Variants in SETD2 observed in about 807,000 individuals in gnomAD.
SETD2 encodes the protein histone-lysine N-methyltransferase SETD2.
A neutral mutation model predicts 242.1 loss-of-function variants in SETD2; 31 were observed. The observed-to-expected ratio is 0.13, with a 90% CI of 0.10 to 0.17. The LOEUF (loss-of-function observed/expected upper bound fraction) is 0.17, where lower values mean the gene tolerates loss of function less well. Among genes scored for constraint, SETD2 ranks in the 10% least tolerant of loss-of-function variants. SETD2 has a pLI of 1.00. For synonymous variants in SETD2, 1,006 were observed against 1,066.5 expected (o/e 0.94, Z 1.11); for missense variants, 2,481 against 3,046.3 (o/e 0.81, Z 4.37).
At chr3:47,128,526 TTCA>T (rs2106750016) in intron 1 of SETD2, among the ~76,000 whole-genome samples, 1 of 152,350 alleles carries the variant, frequency 6.6e-6, no homozygotes, top group East Asian at 1.9e-4. Flanking sequence ...TAGGCCTAAC[TTCA>T]TCATAATTCA....
chr3:47,082,890 T>A (rs1360944609), intron 12 of SETD2, among the ~76,000 whole-genome samples: 2 of 152,084 alleles, frequency 1.3e-5, no homozygotes, highest in Admixed American at 1.3e-4. Context: ...CTGCAAAGAG[T>A]CAGGATTGCT....
chr3:47,084,586 G>A (rs1388346687), intron 11 of SETD2, among the ~76,000 whole-genome samples: 3 of 151,760 alleles, frequency 2.0e-5, no homozygotes, highest in African/African-American at 7.3e-5. Flanking sequence ...TGCCACGCCT[G>A]GCTAATCTTT....
intron 1 of SETD2, among the ~76,000 whole-genome samples, chr3:47,155,716 G>A (rs1431112681): frequency 6.6e-6 from 1 of 152,186 alleles, no homozygotes; most frequent in African/African-American, 2.4e-5. Context: ...TGAGGTGGGA[G>A]GATCGCTTGA....
chr3:47,110,839 G>C (rs2042619470), intron 5 of SETD2, among the ~76,000 whole-genome samples: 2 of 152,034 alleles, frequency 1.3e-5, no homozygotes, highest in African/African-American at 4.8e-5. Flanking sequence ...AAGAGCTTTA[G>C]GAAATTTTAA....
At position 47,122,245 on chromosome 3, in the gene SETD2, C is replaced by G; in HGVS notation, c.2391G>C (p.Leu797Phe). The G allele has an allele frequency of 1.2e-6, 2 of 1,614,098 alleles. No homozygotes were observed. Among genetic ancestry groups the G allele is most frequent in the Non-Finnish European group, 1.7e-6 (2 of 1,180,002 alleles). Reference protein sequence around the residue: ...KTKDSDIYCTLNDSNPSLCNS... With the variant: ...KTKDSDIYCTFNDSNPSLCNS... ...TACACAAAGAAGGGTTGCTATCGTT[C>G]AAAGTACAGTATATGTCTGAATCTT... Residue 797 changes from leucine to phenylalanine, a missense_variant, in exon 3 of 21, where the codon TTG (leucine) becomes TTC (phenylalanine). Leu to Phe is a conservative substitution (Grantham distance 22). Around this residue, in one of 17 missense-constraint regions of SETD2, gnomAD observed 1,300 missense variants for 1,259.2 expected, o/e 1.03. Transcript: ENST00000409792.
rs182505986 is a variant in SETD2 at position 47,027,806 on chromosome 3, T to G, written c.7351-7966A>C. On this transcript the variant is annotated intron_variant, in intron 18 of 20. Coordinates refer to ENST00000409792, the MANE Select transcript of SETD2 (RefSeq NM_014159.7). ...GGTTTTTTTTTTTGTTTTTGTTTTT[T>G]TTTTTGAGATGGAGTCTCGCTGTTG... Among the ~76,000 whole-genome samples the G allele has an allele frequency of 5.2e-3, 793 of 152,014 alleles. 2 individuals are homozygous for G. Among genetic ancestry groups the G allele is most frequent in the Middle Eastern group, 0.01 (3 of 294 alleles).
intron 1 of SETD2, chr3:47,127,459 G>A: frequency 3.0e-6 from 1 of 334,152 alleles, no homozygotes; most frequent in Non-Finnish European, 6.1e-6. Context: ...TGGGTGTAGT[G>A]GCCCACACTT....
chr3:47,151,133 T>C (rs944222387), intron 1 of SETD2, among the ~76,000 whole-genome samples: 1 of 152,076 alleles, frequency 6.6e-6, no homozygotes, highest in Non-Finnish European at 1.5e-5. Flanking sequence ...TATTCTATAA[T>C]ATATTCATCA....
intron 5 of SETD2, among the ~76,000 whole-genome samples, chr3:47,112,062 T>TG (rs775466842): frequency 2.6e-5 from 4 of 152,114 alleles, no homozygotes; most frequent in Non-Finnish European, 2.9e-5. Flanking sequence ...CATAAACACA[T>TG]GTAATCTGTT....
chr3:47,031,744 TA>T (rs1261182099), intron 18 of SETD2, among the ~76,000 whole-genome samples: 1 of 152,184 alleles, frequency 6.6e-6, no homozygotes, highest in East Asian at 1.9e-4. Context: ...TTTATATTCT[TA>T]AAACACTGAG....
chr3:47,103,532 G>A (rs1386861762), intron 6 of SETD2, 109 bp from the exon 7 acceptor site: 3 of 835,820 alleles, frequency 3.6e-6, no homozygotes, highest in Non-Finnish European at 5.8e-6. Flanking sequence ...AAAAGATTGT[G>A]CTGCGAAACC....
At chr3:47,099,075 G>T (rs547282042) in intron 8 of SETD2, among the ~76,000 whole-genome samples, 25 of 152,136 alleles carry the variant, frequency 1.6e-4, no homozygotes, top group Non-Finnish European at 4.4e-5. Context: ...ATTTGTCCTA[G>T]ATTATAATCA....
At chr3:47,039,213 C>CTT (rs544216160) in intron 17 of SETD2, among the ~76,000 whole-genome samples, 1 of 144,262 alleles carries the variant, frequency 6.9e-6, no homozygotes, top group Non-Finnish European at 1.5e-5. Flanking sequence ...GAAATACAAA[C>CTT]TTTTTTTTTT....
chr3:47,100,118 T>C (rs2042153153), intron 8 of SETD2, among the ~76,000 whole-genome samples: 3 of 151,916 alleles, frequency 2.0e-5, no homozygotes, highest in Admixed American at 2.0e-4. Context: ...ATTTTTTGTA[T>C]TCTTAGTAGA....
intron 3 of SETD2, 58 bp downstream of exon 3, chr3:47,120,124 T>G: frequency 7.4e-7 from 1 of 1,352,578 alleles, no homozygotes; most frequent in Non-Finnish European, 1.0e-6. Flanking sequence ...GTTTAAAGGC[T>G]TTTTCTAACA....
intron 1 of SETD2, among the ~76,000 whole-genome samples, chr3:47,158,250 T>C (rs188829862): frequency 2.6e-4 from 40 of 152,248 alleles, no homozygotes. Context: ...CTTCTCAATC[T>C]AGTGGATTTT....
At position 47,124,305 on chromosome 3, in the gene SETD2, C is replaced by A. The variant is rs2106724923; in HGVS notation, c.331G>T (p.Asp111Tyr). ...TCCATTTTCATTTTAGGAGTCGAGTCTACCTGAAGAGGTACAGCTGGAGGG... is the reference window on the plus strand; with the variant it reads ...TCCATTTTCATTTTAGGAGTCGAGTATACCTGAAGAGGTACAGCTGGAGGG... ...PNPPAVPLQV[D>Y]STPKMKMEIG... The change falls in exon 3 of 21, where the codon GAC becomes TAC. Residue 111 changes from aspartate (D) to tyrosine (Y), a missense_variant. This residue lies in a region of SETD2 where 334 missense variants were observed against 374.5 expected (regional missense o/e 0.89). Coordinates refer to ENST00000409792, the MANE Select transcript of SETD2 (RefSeq NM_014159.7). The A allele has an allele frequency of 6.4e-7, 1 of 1,551,770 alleles. No homozygotes were observed. Among genetic ancestry groups the A allele is most frequent in the Non-Finnish European group, 8.7e-7 (1 of 1,147,008 alleles).
chr3:47,149,174 T>C (rs141281585), intron 1 of SETD2, among the ~76,000 whole-genome samples: 1 of 152,296 alleles, frequency 6.6e-6, no homozygotes, highest in African/African-American at 2.4e-5. Context: ...ATGGCAGCTA[T>C]TCTAAATGTT....
chr3:47,035,210 G>A (rs968054771), intron 18 of SETD2, among the ~76,000 whole-genome samples: 1 of 152,174 alleles, frequency 6.6e-6, no homozygotes, highest in African/African-American at 2.4e-5. Flanking sequence ...GCAGGTCTGG[G>A]ACAGGGAGTG....
Sources: gnomAD v4.1 joint callset for allele counts (sites outside exome capture counted in the v4.1 genomes callset) on GRCh38, gnomAD v4.1.1 for gene constraint, gnomAD v4.1.1 regional missense constraint, MANE v1.5 for transcripts, NCBI Gene and HGNC (gene_info 2026-07-23, HGNC 2026-07-21) for gene names.